Variants in ADAMTSL1 observed in about 807,000 individuals in gnomAD.
ADAMTSL1 encodes the protein ADAMTS-like protein 1.
ADAMTSL1 carries 126 observed loss-of-function variants against 201.8 expected under a neutral mutation model. The ratio of observed to expected loss-of-function variants is 0.62; its 90% confidence interval spans 0.54 to 0.72. The LOEUF (loss-of-function observed/expected upper bound fraction) is 0.72, where lower values mean the gene tolerates loss of function less well. Among genes scored for constraint, ADAMTSL1 ranks in the 30% least tolerant of loss-of-function variants. The pLI is 0.00. For synonymous variants in ADAMTSL1, 1,121 were observed against 903.4 expected, an observed-to-expected ratio of 1.24 and a Z score of -4.32; for missense variants, 2,679 against 2,277.8, an observed-to-expected ratio of 1.18 and a Z score of -3.59.
chr9:18,479,913 C>T (rs551860613), intron 1 of ADAMTSL1, among the ~76,000 whole-genome samples: 53 of 152,310 alleles, frequency 3.5e-4, no homozygotes, highest in Non-Finnish European at 7.3e-4. Flanking sequence ...AAGTCATCAA[C>T]GCTAAGAAAC....
At chr9:18,425,517 T>C (rs1482976980) in intron 2 of ADAMTSL1, among the ~76,000 whole-genome samples, 1 of 152,124 alleles carries the variant, frequency 6.6e-6, no homozygotes, top group Admixed American at 6.5e-5. Flanking sequence ...TGGTTAAGTA[T>C]AGTTCTTAGT....
intron 2 of ADAMTSL1, among the ~76,000 whole-genome samples, chr9:18,517,379 A>G (rs1279713318): frequency 2.6e-5 from 4 of 151,888 alleles, no homozygotes; most frequent in Non-Finnish European, 5.9e-5. Flanking sequence ...TAGCTATTTA[A>G]TTTCATTTTA....
rs145002193 is a variant in ADAMTSL1 at position 18,886,762 on chromosome 9, G to C, written c.4250-1069G>C. On this transcript the variant is annotated intron_variant, in intron 23 of 28. Coordinates refer to ENST00000380548, the MANE Select transcript of ADAMTSL1 (RefSeq NM_001040272.6). ...TCACCTCCCAAAGGCCCCACCCTCT[G>C]ATACCATCACCTTGGTGATTAGAAT... Among the ~76,000 whole-genome samples, 654 of 152,314 alleles carry C rather than the reference G, an allele frequency of 4.3e-3. 4 individuals are homozygous for C. Among genetic ancestry groups the C allele is most frequent in the Admixed American group, 7.0e-3 (107 of 15,302 alleles).
chr9:18,710,788 T>C (rs1048462236), intron 14 of ADAMTSL1, among the ~76,000 whole-genome samples: 1 of 151,792 alleles, frequency 6.6e-6, no homozygotes, highest in Admixed American at 6.6e-5. Context: ...CTGTGGCTCC[T>C]TGTTGGATGG....
intron 13 of ADAMTSL1, among the ~76,000 whole-genome samples, chr9:18,699,830 C>G (rs1831817482): frequency 6.6e-6 from 1 of 152,164 alleles, no homozygotes; most frequent in Non-Finnish European, 1.5e-5. Context: ...GAAGATGCCT[C>G]ATAGCCTAGG....
chr9:17,981,373 C>T (rs1324309201), intron 1 of ADAMTSL1, among the ~76,000 whole-genome samples: 1 of 152,206 alleles, frequency 6.6e-6, no homozygotes, highest in African/African-American at 2.4e-5. Context: ...TATTTTTAAG[C>T]TTGCTATTTA....
At chr9:18,592,357 T>C (rs1436254026) in intron 4 of ADAMTSL1, among the ~76,000 whole-genome samples, 1 of 152,132 alleles carries the variant, frequency 6.6e-6, no homozygotes, top group Non-Finnish European at 1.5e-5. Context: ...ATTTCAAAAT[T>C]ATGATATTTT....
At chr9:18,881,568 C>T (rs1317140390) in intron 23 of ADAMTSL1, among the ~76,000 whole-genome samples, 1 of 152,134 alleles carries the variant, frequency 6.6e-6, no homozygotes, top group Non-Finnish European at 1.5e-5. Flanking sequence ...ACAATAGTAA[C>T]ATCAAAGATC....
At chr9:18,304,210 T>A (rs892617676) in intron 2 of ADAMTSL1, among the ~76,000 whole-genome samples, 3 of 152,082 alleles carry the variant, frequency 2.0e-5, no homozygotes, top group Admixed American at 6.5e-5. Flanking sequence ...CCCAATTTGT[T>A]TGGAAAGCAA....
At chr9:18,830,596 G>A (rs1824913411) in intron 23 of ADAMTSL1, among the ~76,000 whole-genome samples, 1 of 152,112 alleles carries the variant, frequency 6.6e-6, no homozygotes, top group Admixed American at 6.5e-5. Context: ...CTGGTAGCAA[G>A]GAGTTGTACG....
rs568289107 is a variant in ADAMTSL1, at chr9:18,313,230, CTT to C, written c.207+149251_207+149252del. 2.6e-5 allele frequency among the ~76,000 whole-genome samples: 4 copies of C among 152,248 alleles called. No individual in the cohort carries two copies. The South Asian group carries it at 8.3e-4, about 32-fold the overall frequency. On this transcript the variant is annotated intron_variant, in intron 2 of 29. Coordinates refer to the ADAMTSL1 transcript ENST00000680146. ...GATACTGTTCGTCCTCCAGACAACT[CTT>C]TGAGAACTATTTTTCTTGTATTCCA...
chr9:18,890,770 A>G (rs1451500409), intron 25 of ADAMTSL1: 2 of 349,814 alleles, frequency 5.7e-6, no homozygotes, highest in South Asian at 2.2e-5. Flanking sequence ...ATATTTGGAA[A>G]TAAAAGTTGA....
intron 1 of ADAMTSL1, among the ~76,000 whole-genome samples, chr9:17,981,965 C>T (rs1056752554): frequency 3.9e-5 from 6 of 152,192 alleles, no homozygotes; most frequent in African/African-American, 1.4e-4. Context: ...AACAAAATCT[C>T]AAGTGTGAGG....
intron 1 of ADAMTSL1, among the ~76,000 whole-genome samples, chr9:18,094,991 T>C (rs151105201): frequency 3.5e-4 from 54 of 152,338 alleles, no homozygotes; most frequent in African/African-American, 1.3e-3. Context: ...TTCAGTCCTA[T>C]CTTTTACCTG....
chr9:18,233,207 T>C (rs1175087228), intron 2 of ADAMTSL1, among the ~76,000 whole-genome samples: 1 of 152,240 alleles, frequency 6.6e-6, no homozygotes, highest in African/African-American at 2.4e-5. Flanking sequence ...GAGCACCTTA[T>C]ATTTTCATCG....
chr9:18,618,538 A>C (rs1160281718), intron 4 of ADAMTSL1, among the ~76,000 whole-genome samples: 3 of 151,686 alleles, frequency 2.0e-5, no homozygotes, highest in African/African-American at 4.9e-5. Flanking sequence ...GAAAAAAAAA[A>C]CAAAATAATA....
At chr9:18,033,317 C>A (rs969756043) in intron 1 of ADAMTSL1, among the ~76,000 whole-genome samples, 1 of 152,150 alleles carries the variant, frequency 6.6e-6, no homozygotes, top group Admixed American at 6.5e-5. Flanking sequence ...GTCACTCATT[C>A]CACAGTGTGT....
chr9:18,274,863 A>G (rs939197724), intron 2 of ADAMTSL1, among the ~76,000 whole-genome samples: 8 of 152,210 alleles, frequency 5.3e-5, no homozygotes, highest in African/African-American at 1.9e-4. Context: ...ACTTTGAGGA[A>G]TTTGGAATTT....
chr9:17,944,320 C>T (rs1827364335), intron 1 of ADAMTSL1, among the ~76,000 whole-genome samples: 1 of 152,024 alleles, frequency 6.6e-6, no homozygotes, highest in Admixed American at 6.6e-5. Flanking sequence ...AAAGAAGATA[C>T]AAACAAATGG....
Sources: gnomAD v4.1 joint callset for allele counts (sites outside exome capture counted in the v4.1 genomes callset) on GRCh38, gnomAD v4.1.1 for gene constraint, MANE v1.5 for transcripts, NCBI Gene and HGNC (gene_info 2026-07-23, HGNC 2026-07-21) for gene names.